NUDT5: variants seen among roughly 807,000 people sequenced by gnomAD.
NUDT5 encodes the protein ADP-sugar pyrophosphatase.
Under a neutral mutation model 34.1 loss-of-function variants are expected in NUDT5, and 21 were observed. That is an observed-to-expected ratio of 0.62 (90% CI 0.44 to 0.89). The LOEUF is 0.89. Among genes scored for constraint, NUDT5 ranks in the 40% least tolerant of loss-of-function variants. The pLI, the probability that NUDT5 is intolerant of heterozygous loss-of-function variation, is 0.00. For synonymous variants in NUDT5, 85 were observed against 97.6 expected (o/e 0.87, Z 0.76); for missense variants, 249 against 274.8 (o/e 0.91, Z 0.66).
rs1834822786 is a variant in NUDT5 at position 12,170,091 on chromosome 10, C to T, written c.550+626G>A. ...CACAGTATCTCCTCATGTCTCCATA[C>T]AGTATCTCCTCTCGTGGTTTTATCA... is the stretch of plus-strand genomic sequence containing the variant. On this transcript the variant is annotated intron_variant, in intron 9 of 9. Coordinates refer to ENST00000491614, the MANE Select transcript of NUDT5 (RefSeq NM_014142.4). This position sits in a 1 kb window ranked among gnomAD's most constrained non-coding sequence, Gnocchi z 4.9. The T allele has an allele frequency of 6.2e-7, 1 of 1,608,956 alleles. No individual in the cohort carries two copies. Among genetic ancestry groups the T allele is most frequent in the East Asian group, 2.2e-5 (1 of 44,854 alleles).
At position 12,170,878 on chromosome 10, in the gene NUDT5, C is replaced by G; in HGVS notation, c.496+22G>C. Reference sequence around the variant, plus strand: ...CTACACTAAGTCATACACGCTCGGCCACCAGGAGTTGCAGAACATACCTCC... The same window carrying G: ...CTACACTAAGTCATACACGCTCGGCGACCAGGAGTTGCAGAACATACCTCC... On this transcript the variant is annotated intron_variant, in intron 8 of 9. Transcript: ENST00000491614. This position sits in a 1 kb window ranked among gnomAD's most constrained non-coding sequence, Gnocchi z 4.9. The G allele has an allele frequency of 6.2e-7, 1 of 1,613,998 alleles. No individual in the cohort carries two copies. The highest frequency in any genetic ancestry group is 2.2e-5 in the East Asian group (1 of 44,880).
chr10:12,177,753 C>A lies in NUDT5; in HGVS notation c.289+40G>T, dbSNP rs142354881. 4.2e-6 allele frequency: 6 copies of A among 1,426,236 alleles called. No homozygotes were observed. In the African/African-American group the frequency reaches 5.6e-5, roughly 13 times the overall value. The allele number at this position is 1,426,236 out of a possible 1,614,324, so 88.3% of individuals were successfully genotyped here. On this transcript the variant is annotated intron_variant, in intron 5 of 9. Transcript: ENST00000491614. ...TTCTCAGGCTTTACCCTGGTTCAGG[C>A]CAACATCCCTAAGAAGCAATTCGAT...
chr10:12,165,427 T>C lies in NUDT5; in HGVS notation c.*2275A>G. The C allele has an allele frequency of 1.1e-6, 1 of 907,060 alleles. No individual in the cohort carries two copies. The highest frequency in any genetic ancestry group is 1.3e-6 in the Non-Finnish European group (1 of 758,762). The allele number at this position is 907,060 out of a possible 1,614,324, so 56.2% of individuals were successfully genotyped here. Reference sequence around the variant, plus strand: ...ATTAAACGTTTTCTAAGATCATTTGTATAGGTTCAGTGTATTCATAAGAAG... The same window carrying C: ...ATTAAACGTTTTCTAAGATCATTTGCATAGGTTCAGTGTATTCATAAGAAG... On this transcript the variant is annotated 3_prime_UTR_variant, in exon 10 of 10. Coordinates refer to ENST00000491614, the MANE Select transcript of NUDT5 (RefSeq NM_014142.4).
At position 12,182,729 on chromosome 10, in the gene NUDT5, A is replaced by C. The variant is rs890356102; in HGVS notation, c.131+2160T>G. ...CGAAGAGATGAGCTGGCGCGAACACATCTTTTTATTTTATTTTTATTTTTT... is the reference window on the plus strand; with the variant it reads ...CGAAGAGATGAGCTGGCGCGAACACCTCTTTTTATTTTATTTTTATTTTTT... On this transcript the variant is annotated intron_variant, in intron 3 of 9. Coordinates refer to ENST00000491614, the MANE Select transcript of NUDT5 (RefSeq NM_014142.4). The surrounding 1 kb of genome is among the most constrained non-coding windows in gnomAD (Gnocchi z 4.3). 2.0e-5 allele frequency among the ~76,000 whole-genome samples: 3 copies of C among 152,000 alleles called. No individual in the cohort carries two copies. The highest frequency in any genetic ancestry group is 6.6e-5 in the Admixed American group (1 of 15,248).
At chr10:12,183,878 C>T (rs139239443) in intron 3 of NUDT5, among the ~76,000 whole-genome samples, 12 of 152,310 alleles carry the variant, frequency 7.9e-5, no homozygotes, top group African/African-American at 2.9e-4. Flanking sequence ...TCTTCAGAAT[C>T]TGCTTTTTAG....
chr10:12,174,443 T>G (rs1418229637), intron 5 of NUDT5, among the ~76,000 whole-genome samples: 1 of 151,952 alleles, frequency 6.6e-6, no homozygotes, highest in Non-Finnish European at 1.5e-5. Context: ...ATTTTTGTAT[T>G]TGTAGTAGAG....
At chr10:12,191,384 A>G (rs1192365920) in intron 1 of NUDT5, among the ~76,000 whole-genome samples, 1 of 146,084 alleles carries the variant, frequency 6.8e-6, no homozygotes, top group Non-Finnish European at 1.5e-5. Flanking sequence ...CTCCGTCTCA[A>G]AAACAAAAAC....
chr10:12,189,892 CA>C (rs1380575672), intron 1 of NUDT5, among the ~76,000 whole-genome samples: 15 of 97,302 alleles, frequency 1.5e-4, no homozygotes, highest in African/African-American at 4.8e-4. Context: ...GAGTGTTCTA[CA>C]ATTTTTTTTT....
Position 12,187,196 on chromosome 10 carries a change from C to G in NUDT5, c.-41-864G>C, listed in dbSNP as rs565477635. ...TACAGGTGCATGCTACCACAGCCAACTAATGTTTTAAACTTTTGGTAGAGG... is the reference window on the plus strand; with the variant it reads ...TACAGGTGCATGCTACCACAGCCAAGTAATGTTTTAAACTTTTGGTAGAGG... On this transcript the variant is annotated intron_variant, in intron 1 of 9. Transcript: ENST00000491614. This position sits in a 1 kb window ranked among gnomAD's most constrained non-coding sequence, Gnocchi z 5.4. Among the ~76,000 whole-genome samples the G allele has an allele frequency of 6.6e-6, 1 of 152,152 alleles. No homozygotes were observed. Among genetic ancestry groups the G allele is most frequent in the Non-Finnish European group, 1.5e-5 (1 of 68,032 alleles).
Position 12,170,880 on chromosome 10 carries a change from C to G in NUDT5, c.496+20G>C. On this transcript the variant is annotated intron_variant, in intron 8 of 9. Transcript: ENST00000491614. This position sits in a 1 kb window ranked among gnomAD's most constrained non-coding sequence, Gnocchi z 4.9. The stretch of plus-strand genomic sequence containing the variant: ...ACACTAAGTCATACACGCTCGGCCA[C>G]CAGGAGTTGCAGAACATACCTCCAT... 6.2e-7 allele frequency: 1 copy of G among 1,613,902 alleles called. No individual in the cohort carries two copies. The highest frequency in any genetic ancestry group is 2.2e-5 in the East Asian group (1 of 44,880).
intron 3 of NUDT5, 49 bp downstream of exon 3, chr10:12,184,840 C>A (rs765110547): frequency 1.9e-6 from 2 of 1,052,442 alleles, no homozygotes; most frequent in East Asian, 2.4e-5. Flanking sequence ...CAACAGATAA[C>A]CTGAGAACCC....
In NUDT5 at chr10:12,173,189, A is replaced by G. The variant is rs1015730670; in HGVS notation, c.386-323T>C. 2.4e-4 allele frequency among the ~76,000 whole-genome samples: 36 copies of G among 152,154 alleles called. 1 individual carries two copies. Among genetic ancestry groups the G allele is most frequent in the Non-Finnish European group, 4.7e-4 (32 of 68,018 alleles). On this transcript the variant is annotated intron_variant, in intron 6 of 9. Coordinates refer to ENST00000491614, the MANE Select transcript of NUDT5 (RefSeq NM_014142.4). This position sits in a 1 kb window ranked among gnomAD's most constrained non-coding sequence, Gnocchi z 4.7. ...ATGAGATGGGTGAGCAATAAAACTC[A>G]GGGGGTAGGAAATTCCTAAAGGCAA...
intron 5 of NUDT5, among the ~76,000 whole-genome samples, chr10:12,174,886 G>A (rs1283482443): frequency 1.3e-5 from 2 of 151,186 alleles, no homozygotes; most frequent in East Asian, 2.0e-4. Context: ...GTAAAACACC[G>A]AGGCCTGGGA....
chr10:12,184,928 A>G lies in NUDT5; in HGVS notation c.92T>C (p.Leu31Pro). The change falls in exon 3 of 10, where the codon CTT (leucine) becomes CCT (proline). Residue 31 changes from leucine (L) to proline (P), a missense_variant. Transcript: ENST00000491614. Reference sequence around the variant, plus strand: ...AGGATCCATGTACGTTGTTTTTTCAAGCTTGACCCATTTTCCTTCTGAAAT... The same window carrying G: ...AGGATCCATGTACGTTGTTTTTTCAGGCTTGACCCATTTTCCTTCTGAAAT... ...ELISEGKWVK[L>P]EKTTYMDPTG... The G allele has an allele frequency of 6.3e-7, 1 of 1,595,818 alleles. No individual in the cohort carries two copies. The highest frequency in any genetic ancestry group is 8.6e-7 in the Non-Finnish European group (1 of 1,166,842).
intron 4 of NUDT5, among the ~76,000 whole-genome samples, chr10:12,178,412 C>T (rs925106334): frequency 1.2e-4 from 19 of 152,192 alleles, no homozygotes; most frequent in East Asian, 1.9e-4. Flanking sequence ...AAAACAAAAA[C>T]GACTGGGTTT....
chr10:12,170,245 A>G lies in NUDT5; in HGVS notation c.550+472T>C. 1 of 1,542,372 alleles carries G rather than the reference A, an allele frequency of 6.5e-7. No homozygotes were observed. The highest frequency in any genetic ancestry group is 9.0e-7 in the Non-Finnish European group (1 of 1,116,280). ...CACAGCTGGTTTGGTTTATTATGTGAAAAGCATATCACACGGAGTATACAG... is the reference window on the plus strand; with the variant it reads ...CACAGCTGGTTTGGTTTATTATGTGGAAAGCATATCACACGGAGTATACAG... On this transcript the variant is annotated intron_variant, in intron 9 of 9. Coordinates refer to ENST00000491614, the MANE Select transcript of NUDT5 (RefSeq NM_014142.4). This position sits in a 1 kb window ranked among gnomAD's most constrained non-coding sequence, Gnocchi z 4.9.
chr10:12,171,452 A>G lies in NUDT5; in HGVS notation c.488-544T>C, dbSNP rs1416254459. Among the ~76,000 whole-genome samples, 1 of 152,190 alleles carries G rather than the reference A, an allele frequency of 6.6e-6. No homozygotes were observed. Among genetic ancestry groups the G allele is most frequent in the Non-Finnish European group, 1.5e-5 (1 of 68,032 alleles). On this transcript the variant is annotated intron_variant, in intron 7 of 9. Transcript: ENST00000491614. The surrounding 1 kb of genome is among the most constrained non-coding windows in gnomAD (Gnocchi z 4.2). ...TCAGCGTGTATGTGTGTTTGTGTGT[A>G]TACCACACTTTGTGGATGCATTCAT...
rs1475204523 is a variant in NUDT5, at chr10:12,166,295, AG to A, written c.*1406del. On this transcript the variant is annotated 3_prime_UTR_variant, in exon 10 of 10. Transcript: ENST00000491614. The stretch of plus-strand genomic sequence containing the variant: ...TGATAGCATGTGGCTTTCAGACCTA[AG>A]GAAGAGTTAGAGCTTTGGAGAATCA... 6.5e-6 allele frequency: 1 copy of A among 154,294 alleles called. No homozygotes were observed. The highest frequency in any genetic ancestry group is 6.4e-5 in the Admixed American group (1 of 15,678). The allele number at this position is 154,294 out of a possible 1,614,324, so 9.6% of individuals were successfully genotyped here.
chr10:12,192,096 A>T (rs1835240375), intron 1 of NUDT5, among the ~76,000 whole-genome samples: 2 of 152,212 alleles, frequency 1.3e-5, no homozygotes, highest in African/African-American at 4.8e-5. Context: ...AGGAGCCCAC[A>T]TCATAAGTAG....
Sources: allele counts gnomAD v4.1 joint callset (sites outside exome capture counted in the v4.1 genomes callset), GRCh38; gene constraint gnomAD v4.1.1; non-coding constraint Gnocchi (gnomAD v3.1); transcripts MANE v1.5; gene names NCBI Gene and HGNC (gene_info 2026-07-23, HGNC 2026-07-21).